Variants in SHANK2 observed in about 807,000 individuals in gnomAD.
SHANK2 encodes the protein SH3 and multiple ankyrin repeat domains 2.
A neutral mutation model predicts 133.7 loss-of-function variants in SHANK2; 43 were observed. That is an observed-to-expected ratio of 0.32 (90% CI 0.25 to 0.41). The LOEUF is 0.41. SHANK2 is among the 10% of genes least tolerant of loss of function. The pLI is 1.00. For missense variants in SHANK2, 1,994 were observed against 2,235.8 expected (o/e 0.89, Z 2.18); for synonymous variants, 1,017 against 952.8 (o/e 1.07, Z -1.24).
intron 2 of SHANK2, among the ~76,000 whole-genome samples, chr11:71,178,478 A>G (rs1283004037): frequency 6.6e-6 from 1 of 152,226 alleles, no homozygotes; most frequent in East Asian, 1.9e-4. Flanking sequence ...GTGAAAAATG[A>G]CAAAAGAAAG....
rs75626475 is a variant in SHANK2, at chr11:70,487,697, A to C, written c.2596T>G (p.Phe866Val). 1 of 1,568,492 alleles carries C rather than the reference A, an allele frequency of 6.4e-7. No individual in the cohort carries two copies. ...LSGITEEERQ[F>V]LAPPMLKFTR... ...AACTTCAGCATTGGAGGAGCCAGAA[A>C]CTGCCGCTCTTCCTCTGTTATTCCT... The change falls in exon 25 of 26, where the codon TTT becomes GTT. Residue 866 changes from phenylalanine to valine, a missense_variant. Coordinates refer to ENST00000601538, the MANE Select transcript of SHANK2 (RefSeq NM_012309.5). The surrounding 1 kb of genome is among the most constrained non-coding windows in gnomAD (Gnocchi z 5.8).
intron 9 of SHANK2, among the ~76,000 whole-genome samples, chr11:71,071,724 G>A (rs1052157244): frequency 2.0e-5 from 3 of 152,196 alleles, no homozygotes; most frequent in Non-Finnish European, 4.4e-5. Context: ...CTCCAGCAGA[G>A]TGGCTGGAGG....
At chr11:70,580,249 G>C (rs1435476622) in intron 17 of SHANK2, among the ~76,000 whole-genome samples, 1 of 151,966 alleles carries the variant, frequency 6.6e-6, no homozygotes, top group Non-Finnish European at 1.5e-5. Context: ...GGGGCGTGGG[G>C]TGGCTGGGCT....
At chr11:70,475,648 C>T (rs1212102000) in intron 25 of SHANK2, among the ~76,000 whole-genome samples, 1 of 152,208 alleles carries the variant, frequency 6.6e-6, no homozygotes, top group Admixed American at 6.5e-5. Flanking sequence ...GTGCTGTGGA[C>T]TGAGGCTTCA....
At chr11:70,549,058 C>T (rs557386018) in intron 17 of SHANK2, among the ~76,000 whole-genome samples, 9 of 152,262 alleles carry the variant, frequency 5.9e-5, no homozygotes, top group East Asian at 3.9e-4. Flanking sequence ...TCAGAGACCA[C>T]GCCTCTGTTG....
chr11:71,066,089 GTGGGGGGGGTGTGTGCA>G (rs1951054788), intron 9 of SHANK2, among the ~76,000 whole-genome samples: 2 of 51,784 alleles, frequency 3.9e-5, no homozygotes. Context: ...GGGGAAGTTG[GTGGGGGGGGTGTGTGCA>G]GAACTCTCCC....
chr11:70,562,412 A>C (rs2059917434), intron 17 of SHANK2, among the ~76,000 whole-genome samples: 1 of 152,192 alleles, frequency 6.6e-6, no homozygotes, highest in Non-Finnish European at 1.5e-5. Flanking sequence ...TTTTCCTTGC[A>C]GGTCTATTTT....
At chr11:70,504,381 G>A (rs2059106534) in intron 17 of SHANK2, among the ~76,000 whole-genome samples, 1 of 127,780 alleles carries the variant, frequency 7.8e-6, no homozygotes, top group Non-Finnish European at 1.8e-5. Flanking sequence ...ACAGGCCCAG[G>A]ATGTGCCAGT....
chr11:71,205,175 G>A (rs1202416566), intron 2 of SHANK2, among the ~76,000 whole-genome samples: 2 of 152,182 alleles, frequency 1.3e-5, no homozygotes, highest in African/African-American at 4.8e-5. Context: ...GCAGCCAGAG[G>A]CCTGACCACA....
At chr11:70,542,679 G>A (rs1189664322) in intron 17 of SHANK2, among the ~76,000 whole-genome samples, 5 of 152,180 alleles carry the variant, frequency 3.3e-5, no homozygotes, top group Non-Finnish European at 5.9e-5. Context: ...GCCCAGGAAG[G>A]TTGGCAAACG....
At chr11:70,772,959 G>A (rs1173385212) in intron 14 of SHANK2, among the ~76,000 whole-genome samples, 3 of 152,206 alleles carry the variant, frequency 2.0e-5, no homozygotes, top group African/African-American at 7.2e-5. Context: ...TAATCTGCCT[G>A]CTGTCAATCT....
At chr11:70,520,094 T>C (rs767180103) in intron 17 of SHANK2, among the ~76,000 whole-genome samples, 6 of 152,018 alleles carry the variant, frequency 3.9e-5, no homozygotes, top group Non-Finnish European at 8.8e-5. Context: ...TAGTTTTAGA[T>C]TTACAAAAAA....
At chr11:70,812,513 T>C (rs906249690) in intron 12 of SHANK2, among the ~76,000 whole-genome samples, 1 of 152,218 alleles carries the variant, frequency 6.6e-6, no homozygotes. Flanking sequence ...CCTCACATCC[T>C]AGCTCGGGGT....
intron 17 of SHANK2, among the ~76,000 whole-genome samples, chr11:70,536,111 C>T (rs1176018553): frequency 6.6e-6 from 1 of 152,192 alleles, no homozygotes; most frequent in Admixed American, 6.5e-5. Flanking sequence ...CCCCTGGGGG[C>T]CCTCACCCTG....
chr11:70,946,308 T>C lies in SHANK2; in HGVS notation c.1108-49741A>G, dbSNP rs371151686. On this transcript the variant is annotated intron_variant, in intron 10 of 25. Coordinates refer to ENST00000601538, the MANE Select transcript of SHANK2 (RefSeq NM_012309.5). ...AACAACGCTTCCCAGGCTCAACCTCTCTCTCCACTAACCAACACTTCCCAG... is the reference window on the plus strand; with the variant it reads ...AACAACGCTTCCCAGGCTCAACCTCCCTCTCCACTAACCAACACTTCCCAG... Among the ~76,000 whole-genome samples the C allele has an allele frequency of 2.4e-3, 133 of 54,952 alleles. 1 individual carries two copies. Among genetic ancestry groups the C allele is most frequent in the African/African-American group, 6.5e-3 (52 of 8,000 alleles). The allele number at this position is 54,952 out of a possible 152,430, so 36.1% of individuals were successfully genotyped here. A position where few individuals can be genotyped will look rare whatever the true frequency, so the allele number is the denominator to read the frequency against.
At position 71,097,014 on chromosome 11, in the gene SHANK2, A is replaced by C. The variant is rs137880845; in HGVS notation, c.593-2326T>G. Among the ~76,000 whole-genome samples the C allele has an allele frequency of 2.6e-5, 4 of 152,254 alleles. No homozygotes were observed. In the East Asian group the frequency reaches 7.8e-4, roughly 30 times the overall value. On this transcript the variant is annotated intron_variant, in intron 6 of 25. Coordinates refer to ENST00000601538, the MANE Select transcript of SHANK2 (RefSeq NM_012309.5). ...TGGCTGCATAAACGCACCGGTGGAGAAAATGATCCCACTCTGTTCATGGCT... is the reference window on the plus strand; with the variant it reads ...TGGCTGCATAAACGCACCGGTGGAGCAAATGATCCCACTCTGTTCATGGCT...
chr11:70,616,845 C>T (rs1173027067), intron 17 of SHANK2, among the ~76,000 whole-genome samples: 1 of 152,164 alleles, frequency 6.6e-6, no homozygotes, highest in African/African-American at 2.4e-5. Flanking sequence ...CGTCCCCCGA[C>T]AGGGGCCGCT....
chr11:70,544,039 C>A (rs1020513224), intron 17 of SHANK2, among the ~76,000 whole-genome samples: 1 of 152,180 alleles, frequency 6.6e-6, no homozygotes, highest in Non-Finnish European at 1.5e-5. Flanking sequence ...ACAGTCCCCC[C>A]AAATTTGGCC....
At chr11:70,675,375 G>A (rs1944887468) in intron 15 of SHANK2, among the ~76,000 whole-genome samples, 1 of 152,234 alleles carries the variant, frequency 6.6e-6, no homozygotes, top group Non-Finnish European at 1.5e-5. Context: ...GGCAGGAGCT[G>A]TGATGACGCT....
Sources: gnomAD v4.1 joint callset for allele counts (sites outside exome capture counted in the v4.1 genomes callset) on GRCh38, gnomAD v4.1.1 for gene constraint, Gnocchi (gnomAD v3.1) non-coding constraint, MANE v1.5 for transcripts, NCBI Gene and HGNC (gene_info 2026-07-23, HGNC 2026-07-21) for gene names.